Variants in FUT9 observed in about 807,000 individuals in gnomAD.
FUT9 encodes fucosyltransferase 9, also known as 4-galactosyl-N-acetylglucosaminide 3-alpha-L-fucosyltransferase 9.
FUT9 carries 15 observed loss-of-function variants against 29.7 expected under a neutral mutation model. That is an observed-to-expected ratio of 0.51 (90% confidence interval 0.34 to 0.78). FUT9 has a LOEUF of 0.78. Among genes scored for constraint, FUT9 ranks in the 30% least tolerant of loss-of-function variants. The pLI is 0.01. For synonymous variants in FUT9, 169 were observed against 153.7 expected, an observed-to-expected ratio of 1.10 and a Z score of -0.74; for missense variants, 319 against 425.4, an observed-to-expected ratio of 0.75 and a Z score of 2.20.
intron 1 of FUT9, among the ~76,000 whole-genome samples, chr6:96,042,799 T>G (rs1770487039): frequency 6.6e-6 from 1 of 152,188 alleles, no homozygotes; most frequent in Non-Finnish European, 1.5e-5. Context: ...TGTGAGATAC[T>G]TCCCATTATT....
intron 2 of FUT9, among the ~76,000 whole-genome samples, chr6:96,146,192 A>G (rs1028578016): frequency 2.6e-5 from 4 of 152,138 alleles, no homozygotes; most frequent in African/African-American, 7.2e-5. Flanking sequence ...AACAGAAGAG[A>G]CATGATCTAC....
chr6:96,099,113 G>A (rs1582228306), intron 1 of FUT9, among the ~76,000 whole-genome samples: 2 of 152,008 alleles, frequency 1.3e-5, no homozygotes, highest in Admixed American at 1.3e-4. Flanking sequence ...TAAATAATAG[G>A]AGTCTCATAT....
In FUT9 at chr6:96,022,975, A is replaced by G. The variant is rs373266342; in HGVS notation, c.-98+6763A>G. Reference sequence around the variant, plus strand: ...TGGGGCTCCAATTAGAAAAATCATTAGTCACAGAAACTGGTAGCTCACAGG... The same window carrying G: ...TGGGGCTCCAATTAGAAAAATCATTGGTCACAGAAACTGGTAGCTCACAGG... On this transcript the variant is annotated intron_variant, in intron 1 of 2. Coordinates refer to ENST00000302103, the MANE Select transcript of FUT9 (RefSeq NM_006581.4). 1.2e-4 allele frequency among the ~76,000 whole-genome samples: 19 copies of G among 152,026 alleles called. 1 individual carries two copies. Among genetic ancestry groups the G allele is most frequent in the African/African-American group, 4.6e-4 (19 of 41,512 alleles).
intron 2 of FUT9, among the ~76,000 whole-genome samples, chr6:96,149,414 A>T (rs1381902103): frequency 6.6e-6 from 1 of 152,198 alleles, no homozygotes; most frequent in East Asian, 1.9e-4. Flanking sequence ...CTTAAAATTC[A>T]TTCCTCCATC....
chr6:96,198,685 A>G (rs570513666), intron 2 of FUT9, among the ~76,000 whole-genome samples: 1 of 152,324 alleles, frequency 6.6e-6, no homozygotes, highest in Non-Finnish European at 1.5e-5. Flanking sequence ...TCCCTGAGGA[A>G]TCGCCACACT....
chr6:96,187,790 T>C (rs1361093440), intron 2 of FUT9, among the ~76,000 whole-genome samples: 1 of 152,184 alleles, frequency 6.6e-6, no homozygotes, highest in Non-Finnish European at 1.5e-5. Context: ...AAATGTTTAC[T>C]TACATTCTTT....
intron 1 of FUT9, among the ~76,000 whole-genome samples, chr6:96,045,833 G>A (rs993602555): frequency 2.0e-5 from 3 of 152,202 alleles, no homozygotes; most frequent in African/African-American, 4.8e-5. Context: ...CATTCCTGGC[G>A]GGTACTTTTT....
chr6:96,183,259 G>A (rs993194869), intron 2 of FUT9, among the ~76,000 whole-genome samples: 6 of 151,936 alleles, frequency 3.9e-5, no homozygotes, highest in African/African-American at 1.4e-4. Context: ...GTCATTGTTG[G>A]TGCATAGGAG....
chr6:96,038,322 A>G (rs1291583699), intron 1 of FUT9, among the ~76,000 whole-genome samples: 2 of 152,132 alleles, frequency 1.3e-5, no homozygotes, highest in Non-Finnish European at 1.5e-5. Flanking sequence ...AATCTGAAAC[A>G]TGAGTAATAT....
chr6:96,074,881 A>C (rs1262986016), intron 1 of FUT9, among the ~76,000 whole-genome samples: 1 of 151,856 alleles, frequency 6.6e-6, no homozygotes, highest in African/African-American at 2.4e-5. Context: ...GGTTCAAGTG[A>C]TCTTTCTGCC....
chr6:96,069,497 A>C (rs1434756433), intron 1 of FUT9, among the ~76,000 whole-genome samples: 2 of 152,156 alleles, frequency 1.3e-5, no homozygotes, highest in Non-Finnish European at 2.9e-5. Context: ...TAAAAATCTC[A>C]ATAGAATACC....
At chr6:96,184,898 A>G (rs1291010039) in intron 2 of FUT9, among the ~76,000 whole-genome samples, 1 of 151,994 alleles carries the variant, frequency 6.6e-6, no homozygotes, top group African/African-American at 2.4e-5. Context: ...AATCCATCAA[A>G]GTTTAGGTTT....
intron 1 of FUT9, among the ~76,000 whole-genome samples, chr6:96,096,261 T>C (rs12202117): frequency 0.18 from 27,572 of 151,996 alleles, 2,700 homozygotes; most frequent in Non-Finnish European, 0.22. Context: ...CAAATCTAGA[T>C]TGTTCTGAAT....
intron 1 of FUT9, among the ~76,000 whole-genome samples, chr6:96,047,856 A>G (rs1770591439): frequency 6.6e-6 from 1 of 152,216 alleles, no homozygotes; most frequent in African/African-American, 2.4e-5. Context: ...TATTCCTGCT[A>G]TAACAAATTG....
Position 96,203,245 on chromosome 6 carries a change from C to A in FUT9, c.90C>A (p.Ile30=). ...GCFMACLLIY[I]KPTNSWIFSP... ...TCATGGCATGTCTTCTCATTTACAT[C>A]AAACCTACCAACAGCTGGATCTTCA... Residue 30 remains isoleucine (I), a synonymous_variant, in exon 3 of 3, where the codon ATC becomes ATA. Transcript: ENST00000302103. 7 of 1,613,754 alleles carry A rather than the reference C, an allele frequency of 4.3e-6. No individual in the cohort carries two copies. The highest frequency in any genetic ancestry group is 5.1e-6 in the Non-Finnish European group (6 of 1,179,740).
At chr6:96,177,687 GTAA>G (rs1773228683) in intron 2 of FUT9, among the ~76,000 whole-genome samples, 6 of 152,070 alleles carry the variant, frequency 3.9e-5, no homozygotes, top group Non-Finnish European at 7.4e-5. Context: ...GGTAAGTATA[GTAA>G]CAGCTATCTT....
At chr6:96,143,944 G>C (rs1284921183) in intron 2 of FUT9, among the ~76,000 whole-genome samples, 1 of 152,144 alleles carries the variant, frequency 6.6e-6, no homozygotes, top group Admixed American at 6.5e-5. Context: ...GGTAATGCTG[G>C]TTGTGTACTT....
intron 1 of FUT9, among the ~76,000 whole-genome samples, chr6:96,085,982 T>C (rs1771310003): frequency 6.6e-6 from 1 of 152,148 alleles, no homozygotes. Context: ...GATGTAAAAT[T>C]ACTTATTCAT....
chr6:96,075,750 G>A (rs1045778133), intron 1 of FUT9, among the ~76,000 whole-genome samples: 2 of 152,062 alleles, frequency 1.3e-5, no homozygotes, highest in Non-Finnish European at 2.9e-5. Flanking sequence ...AGTATCAGCC[G>A]ATTCCTTAAA....
Sources: gnomAD v4.1 joint callset for allele counts (sites outside exome capture counted in the v4.1 genomes callset) on GRCh38, gnomAD v4.1.1 for gene constraint, MANE v1.5 for transcripts, NCBI Gene and HGNC (gene_info 2026-07-23, HGNC 2026-07-21) for gene names.